Variants in PDZD7 observed in about 807,000 individuals in gnomAD.
PDZD7 encodes the protein PDZ domain containing 7, also known as PDZ domain-containing protein 7.
Under a neutral mutation model 84.7 loss-of-function variants are expected in PDZD7, and 72 were observed. The observed-to-expected ratio is 0.85, with a 90% CI of 0.70 to 1.03. The LOEUF is 1.03. PDZD7 is among the 50% of genes least tolerant of loss of function. The pLI, the probability that PDZD7 is intolerant of heterozygous loss-of-function variation, is 0.00. For missense variants in PDZD7, 1,490 were observed against 1,412.9 expected, an observed-to-expected ratio of 1.05 and a Z score of -0.87; for synonymous variants, 594 against 580.7, an observed-to-expected ratio of 1.02 and a Z score of -0.33.
Position 101,015,659 on chromosome 10 carries a change from C to T in PDZD7, c.1726G>A (p.Ala576Thr). 1.3e-6 allele frequency: 2 copies of T among 1,550,148 alleles called. No homozygotes were observed. Among genetic ancestry groups the T allele is most frequent in the Non-Finnish European group, 1.7e-6 (2 of 1,146,758 alleles). The change falls in exon 11 of 17, where the codon GCT (alanine) becomes ACT (threonine). Residue 576 changes from alanine to threonine, a missense_variant. Coordinates refer to ENST00000619208, the MANE Select transcript of PDZD7 (RefSeq NM_001195263.2). ...ACCCGGGAGCAGTGGCGGGTGACAG[C>T]CAGCACCTCGTCATCAGTCAGCAGC... ...QRLLTDDEVLAVTRHCSRYVH... is the reference protein window; with the variant it reads ...QRLLTDDEVLTVTRHCSRYVH...
chr10:101,028,574 G>A (rs954138235), intron 2 of PDZD7, among the ~76,000 whole-genome samples: 1 of 150,768 alleles, frequency 6.6e-6, no homozygotes, highest in African/African-American at 2.4e-5. Flanking sequence ...CAGCTTGGGT[G>A]AGCGACAGAG....
At chr10:101,017,181 G>A (rs1423558619) in intron 9 of PDZD7, among the ~76,000 whole-genome samples, 1 of 152,124 alleles carries the variant, frequency 6.6e-6, no homozygotes, top group Non-Finnish European at 1.5e-5. Context: ...AGCCTACCCT[G>A]GGACTTCAGC....
intron 4 of PDZD7, among the ~76,000 whole-genome samples, chr10:101,022,934 G>A (rs1024198455): frequency 9.9e-5 from 15 of 152,006 alleles, no homozygotes; most frequent in Admixed American, 2.0e-4. Context: ...CACCACGCTC[G>A]GTTAATTTTT....
chr10:101,016,260 C>A (rs1223356168), intron 10 of PDZD7, 117 bp downstream of exon 10: 3 of 1,026,714 alleles, frequency 2.9e-6, no homozygotes, highest in Non-Finnish European at 4.4e-6. Context: ...GCTGCCTGAT[C>A]CCCCATGCTT....
chr10:101,011,120 A>G, intron 14 of PDZD7: 1 of 1,273,974 alleles, frequency 7.8e-7, no homozygotes, highest in South Asian at 1.6e-5. Flanking sequence ...GGCTCACTGC[A>G]ACCTCCACCT....
In PDZD7 at chr10:101,021,716, G is replaced by A. The variant is rs958079771; in HGVS notation, c.867+82C>T. 3.8e-6 allele frequency: 6 copies of A among 1,588,554 alleles called. No individual in the cohort carries two copies. The African/African-American group carries it at 8.1e-5, about 21-fold the overall frequency. On this transcript the variant is annotated intron_variant, in intron 6 of 16. Coordinates refer to ENST00000619208, the MANE Select transcript of PDZD7 (RefSeq NM_001195263.2). The stretch of plus-strand genomic sequence containing the variant: ...AGTGGCTGTGGGAACGTCATAAATT[G>A]CAGAGCATTATTAAGAACTAGGGTG...
Position 101,011,986 on chromosome 10 carries a change from G to A in PDZD7, c.1872C>T (p.Arg624=), listed in dbSNP as rs1005854708. ...RSVVAPTDLG[R]FDSMVMLVEL... ...CCACAAGCATCACCATGCTGTCGAA[G>A]CGGCCCAGGTCTGTGGGGGCCACCA... The change falls in exon 13 of 17, where the codon CGC becomes CGT. Residue 624 remains arginine, a synonymous_variant. Coordinates refer to ENST00000619208, the MANE Select transcript of PDZD7 (RefSeq NM_001195263.2). 1.9e-6 allele frequency: 3 copies of A among 1,550,410 alleles called. No individual in the cohort carries two copies. Among genetic ancestry groups the A allele is most frequent in the Non-Finnish European group, 2.6e-6 (3 of 1,146,996 alleles).
In PDZD7 at chr10:101,023,626, G is replaced by GGAGT. The variant is rs774523589; in HGVS notation, c.368-20_368-17dup. 1 of 1,609,484 alleles carries GGAGT rather than the reference G, an allele frequency of 6.2e-7. No individual in the cohort carries two copies. The highest frequency in any genetic ancestry group is 8.5e-7 in the Non-Finnish European group (1 of 1,179,962). Reference sequence around the variant, plus strand: ...CCAGCCCGCTCTGCACCACAGGATGGGAGTGGCTGGCATGGGTCCCCAGGG... The same window carrying GGAGT: ...CCAGCCCGCTCTGCACCACAGGATGGGAGTGAGTGGCTGGCATGGGTCCCCAGGG... On this transcript the variant is annotated splice_polypyrimidine_tract_variant and intron_variant, in intron 3 of 16. Coordinates refer to ENST00000619208, the MANE Select transcript of PDZD7 (RefSeq NM_001195263.2).
In PDZD7 at chr10:101,027,353, G is replaced by A. The variant is rs368552853; in HGVS notation, c.226+2641C>T. Reference sequence around the variant, plus strand: ...TTCCAGTGTTCCCTCTGCCTGCAGTGCTCCTGCCCAGGCCTTTAGAAGGTC... The same window carrying A: ...TTCCAGTGTTCCCTCTGCCTGCAGTACTCCTGCCCAGGCCTTTAGAAGGTC... On this transcript the variant is annotated intron_variant, in intron 2 of 16. Transcript: ENST00000619208. Among the ~76,000 whole-genome samples, 12 of 151,470 alleles carry A rather than the reference G, an allele frequency of 7.9e-5. 1 individual carries two copies. The South Asian group carries it at 2.3e-3, about 29-fold the overall frequency.
At chr10:101,028,698 A>G (rs1937868399) in intron 2 of PDZD7, among the ~76,000 whole-genome samples, 1 of 151,904 alleles carries the variant, frequency 6.6e-6, no homozygotes, top group African/African-American at 2.4e-5. Flanking sequence ...TATCAGAGGG[A>G]GTATAGCATA....
chr10:101,026,515 G>T (rs1462785532), intron 2 of PDZD7, among the ~76,000 whole-genome samples: 1 of 151,890 alleles, frequency 6.6e-6, no homozygotes, highest in Non-Finnish European at 1.5e-5. Context: ...GAGGGGGAAA[G>T]AGCCAGGGAG....
rs1431649446 is a variant in PDZD7, at chr10:101,030,340, G to A, written c.-121C>T. On this transcript the variant is annotated 5_prime_UTR_variant, in exon 2 of 17. Coordinates refer to ENST00000619208, the MANE Select transcript of PDZD7 (RefSeq NM_001195263.2). ...TGCGGGGCTGGGGTCTCAGTAACGT[G>A]AAGGCCCTCGCTTGCGATGCCTCTC... The A allele has an allele frequency of 1.2e-6, 1 of 849,692 alleles. No homozygotes were observed. Among genetic ancestry groups the A allele is most frequent in the Admixed American group, 2.0e-5 (1 of 50,174 alleles). 52.6% of individuals were successfully genotyped at this position (849,692 alleles called of 1,614,324 possible).
intron 11 of PDZD7, among the ~76,000 whole-genome samples, chr10:101,015,417 G>A (rs372971519): frequency 1.3e-5 from 2 of 152,288 alleles, no homozygotes; most frequent in Non-Finnish European, 2.9e-5. Context: ...CACCATGGGC[G>A]TTTAGGTTCT....
intron 4 of PDZD7, 78 bp from the exon 5 acceptor site, chr10:101,022,463 T>C: frequency 6.4e-7 from 1 of 1,574,070 alleles, no homozygotes; most frequent in Non-Finnish European, 8.7e-7. Flanking sequence ...TTCTGACAAC[T>C]GCAGGGAAAG....
chr10:101,020,699 A>G, intron 6 of PDZD7, 21 bp from the exon 7 acceptor site: 1 of 1,600,192 alleles, frequency 6.2e-7, no homozygotes, highest in Non-Finnish European at 8.6e-7. Flanking sequence ...GATGGTGGGC[A>G]TAGGAGGGAA....
chr10:101,020,326 G>A (rs1010787192), intron 7 of PDZD7, among the ~76,000 whole-genome samples: 22 of 151,874 alleles, frequency 1.4e-4, no homozygotes, highest in East Asian at 5.8e-4. Flanking sequence ...GGCTGGTCTC[G>A]AACTCCCAAC....
At chr10:101,026,900 T>C (rs544587707) in intron 2 of PDZD7, among the ~76,000 whole-genome samples, 22 of 152,118 alleles carry the variant, frequency 1.4e-4, no homozygotes, top group Admixed American at 5.2e-4. Context: ...TTTACTCCCT[T>C]GCTACCAACC....
intron 11 of PDZD7, among the ~76,000 whole-genome samples, chr10:101,013,081 C>A (rs998711203): frequency 6.6e-6 from 1 of 152,214 alleles, no homozygotes; most frequent in Non-Finnish European, 1.5e-5. Flanking sequence ...ACAGAGCATG[C>A]CTTGGTGGTC....
chr10:101,012,053 C>T, intron 12 of PDZD7, 37 bp from the exon 13 acceptor site: 1 of 1,542,812 alleles, frequency 6.5e-7, no homozygotes, highest in Non-Finnish European at 8.8e-7. Flanking sequence ...GTGGGAGGGG[C>T]AGGCAGGATT....
Sources: allele counts gnomAD v4.1 joint callset (sites outside exome capture counted in the v4.1 genomes callset), GRCh38; gene constraint gnomAD v4.1.1; transcripts MANE v1.5; gene names NCBI Gene and HGNC (gene_info 2026-07-23, HGNC 2026-07-21).